Variants in FSTL5 observed in about 807,000 individuals in gnomAD.
The protein encoded by FSTL5 is follistatin like 5, also known as follistatin-related protein 5.
FSTL5 carries 62 observed loss-of-function variants against 89.1 expected under a neutral mutation model. The observed-to-expected ratio is 0.70, with a 90% CI of 0.57 to 0.86. The LOEUF is 0.86. Among genes scored for constraint, FSTL5 ranks in the 40% least tolerant of loss-of-function variants. The pLI, the probability that FSTL5 is intolerant of heterozygous loss-of-function variation, is 0.00. For missense variants in FSTL5, 1,057 were observed against 1,001.6 expected, an observed-to-expected ratio of 1.06 and a Z score of -0.75; for synonymous variants, 383 against 346.2, an observed-to-expected ratio of 1.11 and a Z score of -1.18.
At chr4:161,924,843 T>C (rs11100395) in intron 3 of FSTL5, among the ~76,000 whole-genome samples, 96,211 of 151,666 alleles carry the variant, frequency 0.63, 30,597 homozygotes, top group Middle Eastern at 0.72. Flanking sequence ...GGAATATTAA[T>C]ATATTGTTGT....
At chr4:161,559,344 C>A (rs1363118166) in intron 8 of FSTL5, among the ~76,000 whole-genome samples, 1 of 151,682 alleles carries the variant, frequency 6.6e-6, no homozygotes, top group Non-Finnish European at 1.5e-5. Flanking sequence ...CCTCCTTGTT[C>A]TTTCTTCTCC....
chr4:162,003,434 T>C (rs1337435776), intron 3 of FSTL5, among the ~76,000 whole-genome samples: 1 of 152,142 alleles, frequency 6.6e-6, no homozygotes, highest in Non-Finnish European at 1.5e-5. Flanking sequence ...AATCATTATA[T>C]TTTGGTATCT....
intron 3 of FSTL5, among the ~76,000 whole-genome samples, chr4:161,998,140 T>C (rs748656125): frequency 9.2e-5 from 14 of 152,224 alleles, no homozygotes; most frequent in Non-Finnish European, 1.5e-4. Context: ...GTTCTATCTA[T>C]GCATCTTAGT....
At chr4:161,445,650 A>G (rs1217206671) in intron 15 of FSTL5, among the ~76,000 whole-genome samples, 1 of 152,004 alleles carries the variant, frequency 6.6e-6, no homozygotes, top group Non-Finnish European at 1.5e-5. Context: ...TAGTGGTAAA[A>G]GTATCAAAAG....
intron 1 of FSTL5, among the ~76,000 whole-genome samples, chr4:162,131,226 AT>A (rs1418105878): frequency 6.6e-6 from 1 of 152,210 alleles, no homozygotes; most frequent in African/African-American, 2.4e-5. Context: ...CTCAGGTATT[AT>A]CTGAGTAATT....
intron 6 of FSTL5, among the ~76,000 whole-genome samples, chr4:161,758,340 A>G (rs1253279772): frequency 6.6e-6 from 1 of 152,164 alleles, no homozygotes; most frequent in Admixed American, 6.6e-5. Flanking sequence ...TGAAAAAAAA[A>G]TGGAAATTTT....
At chr4:161,569,189 T>C (rs187288819) in intron 8 of FSTL5, among the ~76,000 whole-genome samples, 351 of 152,306 alleles carry the variant, frequency 2.3e-3, no homozygotes, top group Admixed American at 5.0e-3. Context: ...CTATGTTACT[T>C]AGGCTGGTAT....
At chr4:161,787,094 T>C (rs1741931672) in intron 4 of FSTL5, among the ~76,000 whole-genome samples, 1 of 152,138 alleles carries the variant, frequency 6.6e-6, no homozygotes, top group South Asian at 2.1e-4. Context: ...TGACATTTTC[T>C]ACTTTAAGTG....
At chr4:161,416,679 C>CA (rs1459728334) in intron 15 of FSTL5, among the ~76,000 whole-genome samples, 2 of 151,390 alleles carry the variant, frequency 1.3e-5, no homozygotes, top group Non-Finnish European at 2.9e-5. Flanking sequence ...CCCATCTCTA[C>CA]AAAAAATAAC....
chr4:161,433,515 A>G (rs1732453300), intron 15 of FSTL5, among the ~76,000 whole-genome samples: 1 of 152,134 alleles, frequency 6.6e-6, no homozygotes, highest in South Asian at 2.1e-4. Context: ...AGGAATGCCC[A>G]CTTTCACCAC....
intron 10 of FSTL5, among the ~76,000 whole-genome samples, chr4:161,533,317 C>T (rs1360440707): frequency 3.4e-5 from 5 of 148,230 alleles, no homozygotes; most frequent in African/African-American, 1.3e-4. Flanking sequence ...AAACGTTGAC[C>T]ACTAGCTAGA....
intron 6 of FSTL5, among the ~76,000 whole-genome samples, chr4:161,748,477 A>C (rs1467298149): frequency 6.6e-6 from 1 of 152,148 alleles, no homozygotes. Context: ...ACAATATTCT[A>C]GAGCTATTTG....
chr4:162,045,137 T>C (rs1738121962), intron 2 of FSTL5, among the ~76,000 whole-genome samples: 1 of 152,194 alleles, frequency 6.6e-6, no homozygotes, highest in Non-Finnish European at 1.5e-5. Context: ...GTTATAACTT[T>C]CTCAGTAAGC....
intron 12 of FSTL5, among the ~76,000 whole-genome samples, chr4:161,492,848 A>G (rs975048957): frequency 1.2e-4 from 18 of 152,080 alleles, no homozygotes; most frequent in Non-Finnish European, 2.2e-4. Context: ...AAATAATTAT[A>G]TAGTACATGG....
chr4:162,007,967 A>G (rs974502112), intron 3 of FSTL5, among the ~76,000 whole-genome samples: 10 of 151,864 alleles, frequency 6.6e-5, no homozygotes, highest in African/African-American at 2.4e-4. Context: ...AGAATGGATA[A>G]TATCAGTAAG....
At chr4:162,001,276 T>G (rs574227380) in intron 3 of FSTL5, among the ~76,000 whole-genome samples, 65 of 152,288 alleles carry the variant, frequency 4.3e-4, no homozygotes, top group African/African-American at 1.5e-3. Flanking sequence ...GTTGTAGAGA[T>G]AGAGAAACAT....
At chr4:161,728,235 G>C (rs1423114653) in intron 6 of FSTL5, among the ~76,000 whole-genome samples, 1 of 152,126 alleles carries the variant, frequency 6.6e-6, no homozygotes, top group Non-Finnish European at 1.5e-5. Context: ...CAGAAATTAA[G>C]TTGAGAATTC....
chr4:162,125,899 C>T (rs1035018453), intron 1 of FSTL5, among the ~76,000 whole-genome samples: 2 of 151,806 alleles, frequency 1.3e-5, no homozygotes, highest in African/African-American at 4.8e-5. Flanking sequence ...TGTTGTATAT[C>T]TTTGATTCTT....
At chr4:162,078,745 G>T (rs543368273) in intron 2 of FSTL5, among the ~76,000 whole-genome samples, 1 of 151,756 alleles carries the variant, frequency 6.6e-6, no homozygotes, top group Non-Finnish European at 1.5e-5. Flanking sequence ...GCAATTGAAA[G>T]AAGTAAATAA....
Sources: gnomAD v4.1 joint callset for allele counts (sites outside exome capture counted in the v4.1 genomes callset) on GRCh38, gnomAD v4.1.1 for gene constraint, MANE v1.5 for transcripts, NCBI Gene and HGNC (gene_info 2026-07-23, HGNC 2026-07-21) for gene names.